The following KCTD1 variants were observed in gnomAD, a reference collection of about 807,000 sequenced individuals.
KCTD1 encodes the protein potassium channel tetramerization domain containing 1, also known as BTB/POZ domain-containing protein KCTD1.
KCTD1 carries 24 observed loss-of-function variants against 66.0 expected under a neutral mutation model. That is an observed-to-expected ratio of 0.36 (90% CI 0.26 to 0.51). KCTD1 has a LOEUF of 0.51. Among genes scored for constraint, KCTD1 ranks in the 20% least tolerant of loss-of-function variants. The pLI, the probability that KCTD1 is intolerant of heterozygous loss-of-function variation, is 0.95. For missense variants in KCTD1, 943 were observed against 1,205.2 expected (o/e 0.78, Z 3.22); for synonymous variants, 511 against 517.2 (o/e 0.99, Z 0.16).
chr18:26,646,008 G>A (rs1374308486), intron 1 of KCTD1, among the ~76,000 whole-genome samples: 1 of 152,184 alleles, frequency 6.6e-6, no homozygotes, highest in Non-Finnish European at 1.5e-5. Flanking sequence ...ATTTGGTAAG[G>A]GGTTGGATAA....
At chr18:26,640,699 G>A (rs1353386704), upstream of KCTD1, among the ~76,000 whole-genome samples, 1 of 152,160 alleles carries the variant, frequency 6.6e-6, no homozygotes, top group Non-Finnish European at 1.5e-5. Flanking sequence ...AGGAAGGTGA[G>A]GAGTTTACTT....
chr18:26,614,888 T>C (rs1987215928), intron 1 of KCTD1, among the ~76,000 whole-genome samples: 1 of 152,120 alleles, frequency 6.6e-6, no homozygotes, highest in African/African-American at 2.4e-5. Flanking sequence ...GTGGCACAAG[T>C]GTAAGAATAC....
At chr18:26,624,974 C>T (rs1987467355) in intron 1 of KCTD1, among the ~76,000 whole-genome samples, 1 of 152,224 alleles carries the variant, frequency 6.6e-6, no homozygotes, top group Admixed American at 6.5e-5. Flanking sequence ...CAAAGGAGAT[C>T]ATTTTGGAAA....
At chr18:26,542,703 C>T (rs1985031434) in intron 1 of KCTD1, among the ~76,000 whole-genome samples, 2 of 152,088 alleles carry the variant, frequency 1.3e-5, no homozygotes, top group Non-Finnish European at 2.9e-5. Context: ...GTGACATTTG[C>T]TTGGGGAGTC....
upstream of KCTD1, among the ~76,000 whole-genome samples, chr18:26,552,427 C>T (rs1392867014): frequency 3.9e-5 from 6 of 152,148 alleles, no homozygotes; most frequent in African/African-American, 1.4e-4. Context: ...GAGCACTTGT[C>T]ATTTATATTG....
intron 2 of KCTD1, among the ~76,000 whole-genome samples, chr18:26,491,986 C>A (rs559498929): frequency 1.3e-5 from 2 of 152,256 alleles, no homozygotes; most frequent in East Asian, 3.9e-4. Flanking sequence ...GTGGCTGATG[C>A]CTATAACCCT....
chr18:26,534,147 ATTTT>A (rs567884837), intron 1 of KCTD1, among the ~76,000 whole-genome samples: 2 of 152,078 alleles, frequency 1.3e-5, no homozygotes, highest in Non-Finnish European at 2.9e-5. Context: ...ATTCATTTCA[ATTTT>A]TTTATTTACA....
upstream of KCTD1, among the ~76,000 whole-genome samples, chr18:26,643,032 T>C (rs1987861485): frequency 6.6e-6 from 1 of 152,096 alleles, no homozygotes; most frequent in Admixed American, 6.5e-5. Flanking sequence ...CAGGCTGCCA[T>C]AACAAAATAG....
intron 1 of KCTD1, chr18:26,545,812 C>T (rs1243436598): frequency 6.6e-6 from 1 of 151,906 alleles, no homozygotes; most frequent in Non-Finnish European, 1.5e-5. Flanking sequence ...CACTAGAGGC[C>T]CCAGTCTCGA....
chr18:26,563,710 C>G (rs1368562559), intron 1 of KCTD1, among the ~76,000 whole-genome samples: 1 of 152,210 alleles, frequency 6.6e-6, no homozygotes, highest in Non-Finnish European at 1.5e-5. Flanking sequence ...TGGGCAAAAT[C>G]TTTCACCTTT....
intron 2 of KCTD1, among the ~76,000 whole-genome samples, chr18:26,497,095 A>T (rs893844550): frequency 6.6e-6 from 1 of 152,226 alleles, no homozygotes; most frequent in African/African-American, 2.4e-5. Flanking sequence ...TCTTTAGCCA[A>T]GAGGGTAGGT....
At chr18:26,462,819 G>C (rs1262439010) in intron 3 of KCTD1, among the ~76,000 whole-genome samples, 1 of 152,166 alleles carries the variant, frequency 6.6e-6, no homozygotes. Context: ...TTAAAGTTTA[G>C]TGTGTTTCTG....
chr18:26,605,758 ATC>A (rs546584332), intron 1 of KCTD1, among the ~76,000 whole-genome samples: 16 of 144,456 alleles, frequency 1.1e-4, no homozygotes, highest in African/African-American at 3.9e-4. Flanking sequence ...CTATCTATCT[ATC>A]TATCTATCTA....
chr18:26,479,199 T>G (rs893392084), intron 2 of KCTD1, among the ~76,000 whole-genome samples: 1 of 152,242 alleles, frequency 6.6e-6, no homozygotes, highest in Admixed American at 6.5e-5. Flanking sequence ...AGAGGCCGCC[T>G]GGGCGTCCGG....
chr18:26,608,580 G>A (rs1474901299), intron 1 of KCTD1, among the ~76,000 whole-genome samples: 1 of 152,190 alleles, frequency 6.6e-6, no homozygotes, highest in Non-Finnish European at 1.5e-5. Context: ...GGCAGGGTCG[G>A]TGGGCTGCTC....
intron 1 of KCTD1, among the ~76,000 whole-genome samples, chr18:26,535,989 A>G (rs1984689795): frequency 6.7e-6 from 1 of 149,708 alleles, no homozygotes; most frequent in African/African-American, 2.5e-5. Context: ...AAAAAAAAAG[A>G]AGATTTTTTT....
upstream of KCTD1, among the ~76,000 whole-genome samples, chr18:26,640,675 A>G (rs1338986850): frequency 1.3e-5 from 2 of 152,100 alleles, no homozygotes; most frequent in Non-Finnish European, 2.9e-5. Flanking sequence ...GGAGGGAGAA[A>G]TGTTCAGGAC....
chr18:26,593,856 GAGGAGAACA>G (rs1417084652), intron 1 of KCTD1, among the ~76,000 whole-genome samples: 6 of 147,900 alleles, frequency 4.1e-5, no homozygotes, highest in African/African-American at 1.5e-4. Context: ...CAAGGAGGAA[GAGGAGAACA>G]AGGAGGAAGA....
chr18:26,607,288 C>T (rs1373353490), intron 1 of KCTD1, among the ~76,000 whole-genome samples: 2 of 152,190 alleles, frequency 1.3e-5, no homozygotes, highest in Non-Finnish European at 2.9e-5. Context: ...GCCTCAGCCT[C>T]CTGAGTAATT....
Sources: gnomAD v4.1 joint callset for allele counts (sites outside exome capture counted in the v4.1 genomes callset) on GRCh38, gnomAD v4.1.1 for gene constraint, MANE v1.5 for transcripts, NCBI Gene and HGNC (gene_info 2026-07-23, HGNC 2026-07-21) for gene names.